The following NRXN3 variants were observed in gnomAD, a reference collection of about 807,000 sequenced individuals.
NRXN3 encodes neurexin III.
In NRXN3, 32 loss-of-function variants were observed where a neutral mutation model predicts 137.6. The ratio of observed to expected loss-of-function variants is 0.23; its 90% CI spans 0.18 to 0.31. The LOEUF is 0.31. Among genes scored for constraint, NRXN3 ranks in the 10% least tolerant of loss-of-function variants. The probability of loss-of-function intolerance (pLI) is 1.00; values close to 1 mark genes in which losing one functional copy is unlikely to be tolerated. For synonymous variants in NRXN3, 798 were observed against 784.5 expected (o/e 1.02, Z -0.29); for missense variants, 1,574 against 2,062.5 (o/e 0.76, Z 4.59).
At chr14:79,771,223 T>G (rs2099077096) in intron 19 of NRXN3, among the ~76,000 whole-genome samples, 1 of 152,170 alleles carries the variant, frequency 6.6e-6, no homozygotes, top group Admixed American at 6.5e-5. Context: ...CCATTCCTTC[T>G]GAAACTATTC....
intron 15 of NRXN3, among the ~76,000 whole-genome samples, chr14:79,271,547 C>T (rs1172800570): frequency 6.9e-6 from 1 of 144,606 alleles, no homozygotes; most frequent in African/African-American, 2.6e-5. Flanking sequence ...CTTTCCCTGG[C>T]CTGCCCTTTC....
intron 4 of NRXN3, among the ~76,000 whole-genome samples, chr14:78,406,292 T>A (rs1260256637): frequency 1.3e-5 from 2 of 152,172 alleles, no homozygotes; most frequent in Non-Finnish European, 2.9e-5. Flanking sequence ...GTCTTGTGTC[T>A]CCTACCGAGT....
chr14:79,591,474 T>C (rs1453336845), intron 16 of NRXN3, among the ~76,000 whole-genome samples: 5 of 152,182 alleles, frequency 3.3e-5, no homozygotes, highest in South Asian at 4.1e-4. Context: ...AGCATCACAA[T>C]TGTCAGAAAA....
At chr14:78,952,558 G>A (rs2099389130) in intron 10 of NRXN3, among the ~76,000 whole-genome samples, 1 of 152,146 alleles carries the variant, frequency 6.6e-6, no homozygotes, top group African/African-American at 2.4e-5. Context: ...AAAGGGGCTG[G>A]TGGAAGCAAA....
intron 18 of NRXN3, among the ~76,000 whole-genome samples, chr14:79,695,748 G>A (rs905388610): frequency 2.6e-5 from 4 of 151,750 alleles, no homozygotes; most frequent in Non-Finnish European, 5.9e-5. Flanking sequence ...CTTGTGTGAA[G>A]AGGACAGAGG....
intron 15 of NRXN3, among the ~76,000 whole-genome samples, chr14:79,425,797 G>T (rs192346867): frequency 6.6e-6 from 1 of 152,186 alleles, no homozygotes; most frequent in Non-Finnish European, 1.5e-5. Context: ...ATAGAAACAC[G>T]GTCTGTCCAG....
chr14:78,267,929 G>A (rs2072055612), intron 2 of NRXN3, among the ~76,000 whole-genome samples: 1 of 152,106 alleles, frequency 6.6e-6, no homozygotes, highest in African/African-American at 2.4e-5. Flanking sequence ...TGTAGCACCT[G>A]GTCAATAAAT....
chr14:79,028,051 G>A (rs1398033187), intron 15 of NRXN3, among the ~76,000 whole-genome samples: 1 of 152,132 alleles, frequency 6.6e-6, no homozygotes, highest in African/African-American at 2.4e-5. Context: ...GTTTTATGAG[G>A]AAAATTTGAA....
At chr14:79,836,491 G>A (rs1298313793) in intron 20 of NRXN3, among the ~76,000 whole-genome samples, 1 of 151,992 alleles carries the variant, frequency 6.6e-6, no homozygotes, top group Admixed American at 6.6e-5. Flanking sequence ...TAGCCTGCAG[G>A]ACACAAAGCT....
chr14:78,423,409 G>A (rs1276321717), intron 4 of NRXN3, among the ~76,000 whole-genome samples: 1 of 152,152 alleles, frequency 6.6e-6, no homozygotes, highest in Non-Finnish European at 1.5e-5. Flanking sequence ...CAGCCTGCTA[G>A]GAGCGCTTAT....
intron 2 of NRXN3, among the ~76,000 whole-genome samples, chr14:78,247,133 C>G (rs895108343): frequency 6.6e-6 from 1 of 152,174 alleles, no homozygotes; most frequent in African/African-American, 2.4e-5. Context: ...TTATCTCCAG[C>G]CCCCCTGCGG....
chr14:78,379,090 G>A (rs1347290984), intron 4 of NRXN3, among the ~76,000 whole-genome samples: 1 of 151,778 alleles, frequency 6.6e-6, no homozygotes, highest in South Asian at 2.1e-4. Flanking sequence ...GATAATATGA[G>A]TAGCCATACA....
chr14:79,832,995 T>G (rs1411779162), intron 20 of NRXN3, among the ~76,000 whole-genome samples: 1 of 152,168 alleles, frequency 6.6e-6, no homozygotes, highest in Non-Finnish European at 1.5e-5. Flanking sequence ...GAAAAGTTAT[T>G]AAGTAGGAGA....
intron 4 of NRXN3, among the ~76,000 whole-genome samples, chr14:78,359,542 G>C (rs1037193414): frequency 3.3e-5 from 5 of 152,184 alleles, no homozygotes; most frequent in African/African-American, 1.2e-4. Flanking sequence ...TCTGCAGCTA[G>C]AGTTGAGCTA....
chr14:79,160,758 C>T (rs929101515), intron 15 of NRXN3, among the ~76,000 whole-genome samples: 5 of 151,872 alleles, frequency 3.3e-5, no homozygotes, highest in African/African-American at 9.7e-5. Flanking sequence ...AGAGGCTTCA[C>T]GTGTTGTAGG....
chr14:79,728,860 A>G (rs2098909088), intron 19 of NRXN3, among the ~76,000 whole-genome samples: 1 of 152,184 alleles, frequency 6.6e-6, no homozygotes. Flanking sequence ...ATCATCGGAA[A>G]GGGAAAGGGA....
chr14:78,941,375 G>A (rs1032245174), intron 10 of NRXN3, among the ~76,000 whole-genome samples: 12 of 152,122 alleles, frequency 7.9e-5, no homozygotes, highest in Admixed American at 6.5e-4. Context: ...GGGCTGGCAG[G>A]GATTCACCTT....
chr14:79,475,811 A>G (rs1488953222), intron 16 of NRXN3, among the ~76,000 whole-genome samples: 1 of 152,158 alleles, frequency 6.6e-6, no homozygotes, highest in Non-Finnish European at 1.5e-5. Flanking sequence ...AGCAATATAA[A>G]ATTCTAAGGA....
At chr14:78,674,592 A>AG (rs1174427018) in intron 6 of NRXN3, among the ~76,000 whole-genome samples, 3 of 152,146 alleles carry the variant, frequency 2.0e-5, no homozygotes, top group African/African-American at 4.8e-5. Context: ...CTGGGGCAAA[A>AG]GAAGTTGTGG....
Sources: gnomAD v4.1 joint callset for allele counts (sites outside exome capture counted in the v4.1 genomes callset) on GRCh38, gnomAD v4.1.1 for gene constraint, MANE v1.5 for transcripts, NCBI Gene and HGNC (gene_info 2026-07-23, HGNC 2026-07-21) for gene names.